ATP6V0D2: variants seen among roughly 807,000 people sequenced by gnomAD.
ATP6V0D2 encodes V-type proton ATPase subunit d 2.
In ATP6V0D2, 40 loss-of-function variants were observed where a neutral mutation model predicts 40.0. The ratio of observed to expected loss-of-function variants is 1.00; its 90% CI spans 0.78 to 1.30. The LOEUF is 1.30. Ranked by LOEUF, ATP6V0D2 falls within the 50% of genes most tolerant of loss-of-function variation. The pLI, the probability that ATP6V0D2 is intolerant of heterozygous loss-of-function variation, is 0.00. For synonymous variants in ATP6V0D2, 179 were observed against 156.3 expected (o/e 1.15, Z -1.08); for missense variants, 470 against 423.1 (o/e 1.11, Z -0.97).
At chr8:86,145,548 G>A (rs964408510) in intron 5 of ATP6V0D2, among the ~76,000 whole-genome samples, 3 of 152,062 alleles carry the variant, frequency 2.0e-5, no homozygotes. Context: ...ACAGAAAGTG[G>A]ATATCGAATA....
intron 1 of ATP6V0D2, 71 bp downstream of exon 1, chr8:86,099,179 T>G (rs1818360293): frequency 6.9e-7 from 1 of 1,459,266 alleles, no homozygotes; most frequent in African/African-American, 1.4e-5. Flanking sequence ...TCCAGAAGCA[T>G]GGAGAAAAAA....
At position 86,141,512 on chromosome 8, in the gene ATP6V0D2, C is replaced by T. The variant is rs147900714; in HGVS notation, c.544C>T (p.Arg182Cys). The change falls in exon 4 of 8, where the codon CGC (arginine) becomes TGC (cysteine). Residue 182 changes from arginine (R) to cysteine (C), a missense_variant. Physicochemically the swap from Arg to Cys is radical, Grantham distance 180. Transcript: ENST00000285393. ...ALDELNIELL[R>C]NKLYKSYLEA... The stretch of plus-strand genomic sequence containing the variant: ...AGATGAACTGAATATTGAATTGCTA[C>T]GCAATAAACTATACAAGGTAATGGT... 494 of 1,605,164 alleles carry T rather than the reference C, an allele frequency of 3.1e-4. No homozygotes were observed. The highest frequency in any genetic ancestry group is 6.6e-4 in the Middle Eastern group (4 of 6,040).
At chr8:86,117,683 G>T (rs111587206) in intron 2 of ATP6V0D2, among the ~76,000 whole-genome samples, 272 of 152,276 alleles carry the variant, frequency 1.8e-3, no homozygotes, top group African/African-American at 6.3e-3. Flanking sequence ...GATTAGATAT[G>T]GACTTACATA....
chr8:86,137,295 T>C (rs1362835801), intron 2 of ATP6V0D2, among the ~76,000 whole-genome samples: 1 of 152,174 alleles, frequency 6.6e-6, no homozygotes, highest in African/African-American at 2.4e-5. Flanking sequence ...ACTTTGACTC[T>C]CCAATCACTT....
intron 7 of ATP6V0D2, 44 bp downstream of exon 7, chr8:86,151,584 T>A: frequency 6.8e-7 from 1 of 1,467,196 alleles, no homozygotes; most frequent in Non-Finnish European, 9.4e-7. Flanking sequence ...TTTCTCTTAC[T>A]GTGGATTTTA....
chr8:86,132,751 A>G (rs1818843965), intron 2 of ATP6V0D2, among the ~76,000 whole-genome samples: 1 of 152,146 alleles, frequency 6.6e-6, no homozygotes, highest in Admixed American at 6.5e-5. Context: ...GGTTAATTCC[A>G]TATCTTTGTT....
rs1354703270 is a variant in ATP6V0D2, at chr8:86,103,311, A to G, written c.130+4203A>G. Among the ~76,000 whole-genome samples the G allele has an allele frequency of 4.0e-5, 5 of 126,018 alleles. No homozygotes were observed. The South Asian group carries it at 1.2e-3, about 31-fold the overall frequency. 82.7% of individuals were successfully genotyped at this position (126,018 alleles called of 152,430 possible). Reference sequence around the variant, plus strand: ...TTTGTATTTTTTTTTTTTTTTTTTTAGTAGAGATGGGATTTCACCATGTTG... The same window carrying G: ...TTTGTATTTTTTTTTTTTTTTTTTTGGTAGAGATGGGATTTCACCATGTTG... On this transcript the variant is annotated intron_variant, in intron 1 of 7. Coordinates refer to ENST00000285393, the MANE Select transcript of ATP6V0D2 (RefSeq NM_152565.1).
At chr8:86,121,972 T>A (rs1207440503) in intron 2 of ATP6V0D2, among the ~76,000 whole-genome samples, 1 of 152,232 alleles carries the variant, frequency 6.6e-6, no homozygotes, top group Non-Finnish European at 1.5e-5. Context: ...TGGATATTTT[T>A]AAATACTTAA....
rs551701128 is a variant in ATP6V0D2, at chr8:86,114,584, C to T, written c.302+704C>T. On this transcript the variant is annotated intron_variant, in intron 2 of 7. Coordinates refer to ENST00000285393, the MANE Select transcript of ATP6V0D2 (RefSeq NM_152565.1). ...ACTCGGGAGGTTGAGGCAGAAGAAT[C>T]GCTTAAAGCCGGGAGGCGGAGGTTG... 1.5e-4 allele frequency among the ~76,000 whole-genome samples: 23 copies of T among 152,260 alleles called. 2 individuals are homozygous for T. In the South Asian group the frequency reaches 4.4e-3, roughly 29 times the overall value.
intron 3 of ATP6V0D2, among the ~76,000 whole-genome samples, chr8:86,141,215 C>G (rs1818966738): frequency 6.6e-6 from 1 of 152,174 alleles, no homozygotes; most frequent in Non-Finnish European, 1.5e-5. Context: ...TGGTGTTGGT[C>G]TGTGGCCTGG....
In ATP6V0D2 at chr8:86,110,724, A is replaced by G. The variant is rs1054890336; in HGVS notation, c.131-2985A>G. Among the ~76,000 whole-genome samples the G allele has an allele frequency of 1.2e-4, 18 of 152,322 alleles. No homozygotes were observed. In the East Asian group the frequency reaches 3.1e-3, roughly 26 times the overall value. ...AGTAAACTTCATGATGCAGAAACCAATCACCAAAACTTGATGATTTGGAAA... is the reference window on the plus strand; with the variant it reads ...AGTAAACTTCATGATGCAGAAACCAGTCACCAAAACTTGATGATTTGGAAA... On this transcript the variant is annotated intron_variant, in intron 1 of 7. Coordinates refer to ENST00000285393, the MANE Select transcript of ATP6V0D2 (RefSeq NM_152565.1).
intron 1 of ATP6V0D2, among the ~76,000 whole-genome samples, chr8:86,110,240 G>A (rs181390374): frequency 1.3e-5 from 2 of 151,988 alleles, no homozygotes; most frequent in African/African-American, 2.4e-5. Context: ...GATTACAGGC[G>A]CACACCACCA....
chr8:86,107,410 G>A (rs570226225), intron 1 of ATP6V0D2, among the ~76,000 whole-genome samples: 2 of 152,288 alleles, frequency 1.3e-5, no homozygotes, highest in South Asian at 4.1e-4. Flanking sequence ...GAAGTTTCAA[G>A]ATCCTGACGC....
rs1449697658 is a variant in ATP6V0D2 at position 86,152,847 on chromosome 8, A to T, written c.923A>T (p.Gln308Leu). The change falls in exon 8 of 8, where the codon CAG becomes CTG. Residue 308 changes from glutamine (Q) to leucine (L), a missense_variant. Gln to Leu is a moderately radical substitution (Grantham distance 113, BLOSUM62 -2). Coordinates refer to ENST00000285393, the MANE Select transcript of ATP6V0D2 (RefSeq NM_152565.1). ...VQMNVLAFNR[Q>L]FHYGVFYAYV... The stretch of plus-strand genomic sequence containing the variant: ...ATGAATGTGCTGGCATTCAACAGAC[A>T]GTTCCACTACGGTGTGTTTTATGCA... 1 of 1,604,754 alleles carries T rather than the reference A, an allele frequency of 6.2e-7. No homozygotes were observed. Among genetic ancestry groups the T allele is most frequent in the Non-Finnish European group, 8.5e-7 (1 of 1,177,452 alleles).
At chr8:86,135,027 G>A (rs1818879389) in intron 2 of ATP6V0D2, among the ~76,000 whole-genome samples, 2 of 152,146 alleles carry the variant, frequency 1.3e-5, no homozygotes, top group Non-Finnish European at 2.9e-5. Context: ...AGACACTGGG[G>A]GTGGTGGGTG....
intron 5 of ATP6V0D2, among the ~76,000 whole-genome samples, chr8:86,148,272 G>A (rs1819098396): frequency 6.6e-6 from 1 of 152,054 alleles, no homozygotes; most frequent in East Asian, 1.9e-4. Flanking sequence ...TTACTGACAG[G>A]ACTGGTTATA....
At chr8:86,150,414 GT>G in intron 6 of ATP6V0D2, 126 bp downstream of exon 6, 1 of 1,000,908 alleles carries the variant, frequency 1.0e-6, no homozygotes, top group Non-Finnish European at 1.4e-6. Context: ...GTAGCAATCA[GT>G]GTTTCTTGCT....
intron 1 of ATP6V0D2, among the ~76,000 whole-genome samples, chr8:86,108,360 T>G (rs1818494214): frequency 6.6e-6 from 1 of 152,252 alleles, no homozygotes; most frequent in East Asian, 1.9e-4. Flanking sequence ...CAGTCTAGTC[T>G]GAAACTCCTG....
intron 2 of ATP6V0D2, among the ~76,000 whole-genome samples, chr8:86,123,031 G>T (rs1563559556): frequency 6.6e-6 from 1 of 152,120 alleles, no homozygotes; most frequent in Non-Finnish European, 1.5e-5. Flanking sequence ...CTCACTTAAT[G>T]GTCACCACGC....
Sources: allele counts gnomAD v4.1 joint callset (sites outside exome capture counted in the v4.1 genomes callset), GRCh38; gene constraint gnomAD v4.1.1; transcripts MANE v1.5; gene names NCBI Gene and HGNC (gene_info 2026-07-23, HGNC 2026-07-21).